XYLT1: variants seen among roughly 807,000 people sequenced by gnomAD.
XYLT1 encodes the protein beta-D-xylosyltransferase 1.
A neutral mutation model predicts 91.3 loss-of-function variants in XYLT1; 36 were observed. The ratio of observed to expected loss-of-function variants is 0.39; its 90% CI spans 0.30 to 0.52. XYLT1 has a LOEUF of 0.52. Among genes scored for constraint, XYLT1 ranks in the 20% least tolerant of loss-of-function variants. The probability of loss-of-function intolerance (pLI) is 0.68; values close to 1 mark genes in which losing one functional copy is unlikely to be tolerated. For missense variants in XYLT1, 1,242 were observed against 1,284.5 expected, an observed-to-expected ratio of 0.97 and a Z score of 0.51; for synonymous variants, 588 against 532.0, an observed-to-expected ratio of 1.11 and a Z score of -1.45.
At chr16:17,396,895 C>A (rs2035893765) in intron 1 of XYLT1, among the ~76,000 whole-genome samples, 2 of 152,114 alleles carry the variant, frequency 1.3e-5, no homozygotes, top group Admixed American at 1.3e-4. Flanking sequence ...ACTAGAGTAT[C>A]AGGAAATGAT....
chr16:17,308,496 CA>C (rs2034499202), intron 2 of XYLT1, among the ~76,000 whole-genome samples: 2 of 152,208 alleles, frequency 1.3e-5, no homozygotes, highest in Non-Finnish European at 2.9e-5. Flanking sequence ...GGTGAAGATA[CA>C]GCTCTATCTA....
At chr16:17,408,733 C>T (rs2036064819) in intron 1 of XYLT1, among the ~76,000 whole-genome samples, 1 of 152,210 alleles carries the variant, frequency 6.6e-6, no homozygotes, top group Non-Finnish European at 1.5e-5. Context: ...ATAATCCCAA[C>T]TACTCAGGAG....
chr16:17,450,746 A>G (rs1197836349), intron 1 of XYLT1, among the ~76,000 whole-genome samples: 2 of 152,202 alleles, frequency 1.3e-5, no homozygotes, highest in African/African-American at 4.8e-5. Context: ...AGACTAAGAC[A>G]TTCCAGCACA....
At chr16:17,470,147 T>C (rs2141969491) in intron 1 of XYLT1, among the ~76,000 whole-genome samples, 1 of 152,094 alleles carries the variant, frequency 6.6e-6, no homozygotes, top group African/African-American at 2.4e-5. Context: ...GCAAGAGTGA[T>C]GGGGAACAGG....
chr16:17,408,049 T>C (rs781098720), intron 1 of XYLT1, among the ~76,000 whole-genome samples: 86 of 152,340 alleles, frequency 5.6e-4, no homozygotes, highest in Non-Finnish European at 8.5e-4. Context: ...CAGATGCAGA[T>C]GCCTAATCTT....
chr16:17,277,088 G>A (rs991972129), intron 2 of XYLT1, among the ~76,000 whole-genome samples: 1 of 152,214 alleles, frequency 6.6e-6, no homozygotes, highest in East Asian at 1.9e-4. Context: ...ACAGATGCCT[G>A]CTCCTATCGA....
At chr16:17,184,139 C>T (rs2032128981) in intron 5 of XYLT1, among the ~76,000 whole-genome samples, 1 of 151,006 alleles carries the variant, frequency 6.6e-6, no homozygotes, top group African/African-American at 2.4e-5. Context: ...AGCATGGATA[C>T]CGTCCATACT....
chr16:17,117,588 ACCCTCAAGGT>A, intron 11 of XYLT1, 48 bp downstream of exon 11: 1 of 1,551,332 alleles, frequency 6.4e-7, no homozygotes. Context: ...AACACCAAAG[ACCCTCAAGGT>A]CCCCAGGGAA....
At chr16:17,422,927 G>A (rs138429887) in intron 1 of XYLT1, among the ~76,000 whole-genome samples, 125 of 152,320 alleles carry the variant, frequency 8.2e-4, no homozygotes, top group African/African-American at 2.9e-3. Context: ...TCCAACCAGT[G>A]CTTTGCTCAC....
chr16:17,357,073 A>T (rs561238086), intron 2 of XYLT1, among the ~76,000 whole-genome samples: 1 of 145,234 alleles, frequency 6.9e-6, no homozygotes, highest in South Asian at 2.3e-4. Flanking sequence ...GCTGCTGGGG[A>T]GGCTGAGACA....
chr16:17,201,674 C>A lies in XYLT1; in HGVS notation c.914-1020G>T, dbSNP rs147457070. Among the ~76,000 whole-genome samples, 203 of 152,176 alleles carry A rather than the reference C, an allele frequency of 1.3e-3. 1 individual carries two copies. Among genetic ancestry groups the A allele is most frequent in the African/African-American group, 4.7e-3 (196 of 41,514 alleles). ...GTTTTTAGTAGAGATGGGGTTTCAT[C>A]ATGTTGGCCAGGCTGGTCTCGGAAC... On this transcript the variant is annotated intron_variant, in intron 3 of 11. Transcript: ENST00000261381.
intron 5 of XYLT1, among the ~76,000 whole-genome samples, chr16:17,190,784 A>T (rs775502067): frequency 6.6e-5 from 10 of 152,114 alleles, no homozygotes; most frequent in Non-Finnish European, 1.0e-4. Flanking sequence ...AAGCAGCATG[A>T]TTTATAATCC....
chr16:17,348,748 C>T (rs2035180339), intron 2 of XYLT1, among the ~76,000 whole-genome samples: 1 of 152,184 alleles, frequency 6.6e-6, no homozygotes, highest in African/African-American at 2.4e-5. Flanking sequence ...TTTGTGAAAG[C>T]AATTTTCTTC....
At chr16:17,349,360 A>G (rs1439764389) in intron 2 of XYLT1, among the ~76,000 whole-genome samples, 2 of 152,144 alleles carry the variant, frequency 1.3e-5, no homozygotes, top group African/African-American at 2.4e-5. Flanking sequence ...CTAATCTCTA[A>G]TCTCCTTCTA....
intron 5 of XYLT1, among the ~76,000 whole-genome samples, chr16:17,187,774 A>G (rs1176775366): frequency 2.6e-5 from 4 of 151,320 alleles, no homozygotes; most frequent in Non-Finnish European, 4.4e-5. Context: ...TATCATTCTC[A>G]CCATATTTTA....
At chr16:17,321,350 T>C (rs2034717767) in intron 2 of XYLT1, among the ~76,000 whole-genome samples, 2 of 52,972 alleles carry the variant, frequency 3.8e-5, no homozygotes, top group Non-Finnish European at 7.1e-5. Flanking sequence ...GCCTTTTTTT[T>C]TTTTTTTTTT....
intron 1 of XYLT1, among the ~76,000 whole-genome samples, chr16:17,396,560 G>A (rs116647955): frequency 0.013 from 1,907 of 152,282 alleles, 46 homozygotes; most frequent in African/African-American, 0.043. Flanking sequence ...AATTCAGGGT[G>A]TTAGGGTAGT....
rs528167889 is a variant in XYLT1 at position 17,127,969 on chromosome 16, A to G, written c.2028-108T>C. On this transcript the variant is annotated intron_variant, in intron 9 of 11. Coordinates refer to ENST00000261381, the MANE Select transcript of XYLT1 (RefSeq NM_022166.4). Reference sequence around the variant, plus strand: ...TCCTAAAGCAGTCCCCATTGTGCACAATGCCTACTGTTTTCCTTGCGTCCT... The same window carrying G: ...TCCTAAAGCAGTCCCCATTGTGCACGATGCCTACTGTTTTCCTTGCGTCCT... 3.7e-5 allele frequency: 37 copies of G among 989,226 alleles called. No homozygotes were observed. In the East Asian group the frequency reaches 8.5e-4, roughly 23 times the overall value. The allele number at this position is 989,226 out of a possible 1,614,324, so 61.3% of individuals were successfully genotyped here.
intron 4 of XYLT1, among the ~76,000 whole-genome samples, chr16:17,199,944 C>T (rs986982155): frequency 3.3e-5 from 5 of 152,018 alleles, no homozygotes; most frequent in Admixed American, 6.6e-5. Context: ...ATTTAGGGGC[C>T]GGGCACGGTG....
Sources: allele counts gnomAD v4.1 joint callset (sites outside exome capture counted in the v4.1 genomes callset), GRCh38; gene constraint gnomAD v4.1.1; transcripts MANE v1.5; gene names NCBI Gene and HGNC (gene_info 2026-07-23, HGNC 2026-07-21).